The following GABRB1 variants were observed in gnomAD, a reference collection of about 807,000 sequenced individuals.
GABRB1 encodes the protein gamma-aminobutyric acid type A receptor subunit beta1.
Under a neutral mutation model 51.6 loss-of-function variants are expected in GABRB1, and 17 were observed. That is an observed-to-expected ratio of 0.33 (90% CI 0.23 to 0.49). The LOEUF (loss-of-function observed/expected upper bound fraction) is 0.49, where lower values mean the gene tolerates loss of function less well. Among genes scored for constraint, GABRB1 ranks in the 20% least tolerant of loss-of-function variants. The probability of loss-of-function intolerance (pLI) is 0.99; values close to 1 mark genes in which losing one functional copy is unlikely to be tolerated. For missense variants in GABRB1, 410 were observed against 600.6 expected (o/e 0.68, Z 3.32); for synonymous variants, 247 against 218.9 (o/e 1.13, Z -1.14).
chr4:47,141,788 A>C (rs4463042), intron 3 of GABRB1, among the ~76,000 whole-genome samples: 2 of 151,766 alleles, frequency 1.3e-5, no homozygotes, highest in African/African-American at 4.8e-5. Context: ...CCAAGTAAAT[A>C]TAAGTATCTA....
intron 4 of GABRB1, among the ~76,000 whole-genome samples, chr4:47,301,193 C>T (rs1349572519): frequency 6.6e-6 from 1 of 152,090 alleles, no homozygotes. Context: ...CTTAAGTATC[C>T]TAATGAGATA....
chr4:47,211,915 T>A (rs1720372930), intron 4 of GABRB1, among the ~76,000 whole-genome samples: 2 of 152,194 alleles, frequency 1.3e-5, no homozygotes, highest in South Asian at 4.1e-4. Flanking sequence ...TGATTATATT[T>A]AGCACCCAGG....
intron 3 of GABRB1, among the ~76,000 whole-genome samples, chr4:47,091,681 C>G (rs1728299450): frequency 1.3e-5 from 2 of 152,190 alleles, no homozygotes; most frequent in Non-Finnish European, 2.9e-5. Flanking sequence ...CTGCACTCCC[C>G]CAATCCTGGA....
intron 3 of GABRB1, among the ~76,000 whole-genome samples, chr4:47,146,669 C>A (rs567498038): frequency 6.6e-6 from 1 of 152,080 alleles, no homozygotes; most frequent in East Asian, 1.9e-4. Context: ...TAATTATGCA[C>A]ACTGAGTGTA....
chr4:47,220,393 T>A (rs1720722791), intron 4 of GABRB1, among the ~76,000 whole-genome samples: 2 of 151,980 alleles, frequency 1.3e-5, no homozygotes, highest in Admixed American at 6.6e-5. Flanking sequence ...GCAGTTTTTG[T>A]ACCTATATTC....
At chr4:47,148,871 C>G (rs1307160086) in intron 3 of GABRB1, among the ~76,000 whole-genome samples, 1 of 151,816 alleles carries the variant, frequency 6.6e-6, no homozygotes, top group Non-Finnish European at 1.5e-5. Flanking sequence ...TGATTAATTG[C>G]CATCCATAAG....
chr4:47,007,866 GTATATATATATATATATA>G (rs1165939097), intron 1 of GABRB1, among the ~76,000 whole-genome samples: 1 of 49,972 alleles, frequency 2.0e-5, no homozygotes, highest in African/African-American at 7.9e-5. Context: ...CTTGGAACTG[GTATATATATATATATATA>G]TATATATATA....
intron 5 of GABRB1, among the ~76,000 whole-genome samples, chr4:47,330,862 C>T (rs1472957139): frequency 6.6e-6 from 1 of 151,966 alleles, no homozygotes; most frequent in Non-Finnish European, 1.5e-5. Flanking sequence ...ACAAGGAAAA[C>T]ATGAAATATA....
chr4:46,996,288 G>A (rs1723995551), intron 1 of GABRB1, among the ~76,000 whole-genome samples: 1 of 151,964 alleles, frequency 6.6e-6, no homozygotes, highest in South Asian at 2.1e-4. Context: ...ATAAGCCTCT[G>A]ATTACTAGGT....
At chr4:47,155,915 T>TTATATATATATATATATATATATATA (rs1577958436) in intron 3 of GABRB1, among the ~76,000 whole-genome samples, 1 of 28,454 alleles carries the variant, frequency 3.5e-5, no homozygotes, top group African/African-American at 8.4e-5. Flanking sequence ...AGAGGTATTT[T>TTATATATATATATATATATATATATA]CATATATATA....
At chr4:47,288,124 T>TACAGCAG (rs1723579921) in intron 4 of GABRB1, among the ~76,000 whole-genome samples, 1 of 152,118 alleles carries the variant, frequency 6.6e-6, no homozygotes, top group Non-Finnish European at 1.5e-5. Context: ...CAGCAGTAGA[T>TACAGCAG]AGGCAATAAA....
chr4:47,403,848 C>T (rs2110052051), intron 7 of GABRB1, 137 bp downstream of exon 7: 1 of 763,402 alleles, frequency 1.3e-6, no homozygotes, highest in African/African-American at 1.8e-5. Flanking sequence ...GAATATAAAA[C>T]ATCTAAATGT....
At chr4:47,288,212 G>C (rs192070131) in intron 4 of GABRB1, among the ~76,000 whole-genome samples, 6 of 151,922 alleles carry the variant, frequency 3.9e-5, no homozygotes, top group Admixed American at 1.3e-4. Context: ...AAGATTGTTA[G>C]CACCTTGAAC....
chr4:47,335,917 G>A (rs909673045), intron 5 of GABRB1, among the ~76,000 whole-genome samples: 3 of 152,066 alleles, frequency 2.0e-5, no homozygotes, highest in Admixed American at 6.6e-5. Context: ...TTTAAACCTG[G>A]CAAAGATGAC....
intron 5 of GABRB1, among the ~76,000 whole-genome samples, chr4:47,396,733 C>T (rs563576744): frequency 9.2e-5 from 14 of 152,260 alleles, no homozygotes; most frequent in Admixed American, 3.3e-4. Flanking sequence ...TTAATACTTT[C>T]GATAGCTGAA....
intron 3 of GABRB1, among the ~76,000 whole-genome samples, chr4:47,127,504 C>T (rs959170424): frequency 4.0e-5 from 6 of 151,554 alleles, no homozygotes; most frequent in African/African-American, 9.7e-5. Context: ...TTTTATTCAC[C>T]GCCACCACCA....
intron 4 of GABRB1, among the ~76,000 whole-genome samples, chr4:47,298,465 T>A (rs1414694626): frequency 6.6e-6 from 1 of 152,088 alleles, no homozygotes; most frequent in African/African-American, 2.4e-5. Context: ...GAGAGCCAAA[T>A]CATAAGTGAA....
intron 4 of GABRB1, among the ~76,000 whole-genome samples, chr4:47,233,086 G>C (rs996178104): frequency 1.3e-5 from 2 of 152,062 alleles, no homozygotes; most frequent in Non-Finnish European, 2.9e-5. Flanking sequence ...ATGTTGCCCA[G>C]GCTGGTCTTA....
chr4:47,263,955 G>A (rs551222972), intron 4 of GABRB1, among the ~76,000 whole-genome samples: 6 of 150,250 alleles, frequency 4.0e-5, no homozygotes, highest in East Asian at 4.0e-4. Context: ...AAAACATGAC[G>A]AAAGTTCACT....
Sources: gnomAD v4.1 joint callset for allele counts (sites outside exome capture counted in the v4.1 genomes callset) on GRCh38, gnomAD v4.1.1 for gene constraint, MANE v1.5 for transcripts, NCBI Gene and HGNC (gene_info 2026-07-23, HGNC 2026-07-21) for gene names.